PUDP: variants seen among roughly 807,000 people sequenced by gnomAD.
PUDP encodes the protein pseudouridine-5'-phosphatase.
In PUDP, 8 loss-of-function variants were observed where a neutral mutation model predicts 9.4. That is an observed-to-expected ratio of 0.85 (90% CI 0.50 to 1.53). PUDP has a LOEUF of 1.53. PUDP is among the 40% of genes most tolerant of loss of function. The pLI is 0.00. For synonymous variants in PUDP, 99 were observed against 80.7 expected (o/e 1.23, Z -1.22); for missense variants, 188 against 189.7 (o/e 0.99, Z 0.05).
chrX:7,101,268 C>CA (rs1931725561), intron 2 of PUDP, among the ~76,000 whole-genome samples: 1 of 107,735 alleles, frequency 9.3e-6, no homozygotes, highest in Non-Finnish European at 1.9e-5. Flanking sequence ...AATCATATGC[C>CA]AAAAAACATG....
At chrX:6,881,997 C>T (rs1398391137) in intron 3 of PUDP, among the ~76,000 whole-genome samples, 6 of 92,896 alleles carry the variant, frequency 6.5e-5, no homozygotes, top group South Asian at 5.7e-4. Flanking sequence ...TTTTTTGAGA[C>T]GGAGTCTTGC....
intron 3 of PUDP, among the ~76,000 whole-genome samples, chrX:6,903,958 T>A (rs186121584): frequency 0.067 from 7,001 of 103,792 alleles, 299 homozygotes; most frequent in East Asian, 0.27. Context: ...ATATATTTAT[T>A]TTTTTTTTTT....
chrX:6,915,506 G>A (rs1927915549), intron 3 of PUDP, among the ~76,000 whole-genome samples: 1 of 111,615 alleles, frequency 9.0e-6, no homozygotes, highest in African/African-American at 3.3e-5. Flanking sequence ...AGACTGAAAG[G>A]AAGGCAAAAA....
chrX:6,743,996 G>A (rs192552943), intron 3 of PUDP, among the ~76,000 whole-genome samples: 1 of 111,436 alleles, frequency 9.0e-6, no homozygotes, highest in African/African-American at 3.3e-5. Flanking sequence ...TCACCCAGTG[G>A]CATCTCTTAG....
At chrX:7,116,328 A>G (rs190573737) in intron 1 of PUDP, among the ~76,000 whole-genome samples, 120 of 111,527 alleles carry the variant, frequency 1.1e-3, no homozygotes, top group African/African-American at 3.6e-3. Context: ...GCCTGAGACA[A>G]TCAAGTCCCT....
chrX:7,079,585 A>G (rs902934267), intron 2 of PUDP, among the ~76,000 whole-genome samples: 2 of 112,752 alleles, frequency 1.8e-5, no homozygotes, highest in Non-Finnish European at 3.7e-5. Context: ...TATTCTCAAA[A>G]ATTATAAAAT....
At chrX:6,807,602 C>G (rs1014046412) in intron 3 of PUDP, among the ~76,000 whole-genome samples, 2 of 111,827 alleles carry the variant, frequency 1.8e-5, no homozygotes, top group African/African-American at 6.5e-5. Flanking sequence ...AGAGAAGGCA[C>G]GGTGTGCAAG....
intron 3 of PUDP, among the ~76,000 whole-genome samples, chrX:7,074,949 A>T (rs1280417653): frequency 8.9e-6 from 1 of 112,194 alleles, no homozygotes; most frequent in Non-Finnish European, 1.9e-5. Context: ...TTCAATAATG[A>T]GACTTAAATC....
intron 3 of PUDP, among the ~76,000 whole-genome samples, chrX:6,820,576 A>G (rs1926325134): frequency 9.0e-6 from 1 of 111,610 alleles, no homozygotes; most frequent in South Asian, 3.8e-4. Flanking sequence ...AATGGGAGAA[A>G]TTGGCCAAAG....
chrX:7,117,036 T>C, intron 1 of PUDP: 3 of 1,166,523 alleles, frequency 2.6e-6, no homozygotes, highest in Non-Finnish European at 3.4e-6. Flanking sequence ...CTGTATAACC[T>C]GCAGAAATGT....
intron 1 of PUDP, among the ~76,000 whole-genome samples, chrX:7,144,857 T>C (rs774083667): frequency 4.5e-5 from 5 of 112,218 alleles, no homozygotes; most frequent in African/African-American, 1.6e-4. Flanking sequence ...TTAAAAGGAT[T>C]TTAAATAATT....
chrX:6,757,159 C>T (rs1330139754), intron 3 of PUDP, among the ~76,000 whole-genome samples: 1 of 111,751 alleles, frequency 8.9e-6, no homozygotes, highest in Non-Finnish European at 1.9e-5. Context: ...GGCAGGATTG[C>T]TGGTGGCATT....
At chrX:7,081,614 T>C (rs899812726) in intron 2 of PUDP, among the ~76,000 whole-genome samples, 10 of 112,635 alleles carry the variant, frequency 8.9e-5, no homozygotes, top group African/African-American at 3.2e-4. Context: ...ACGACTGCTT[T>C]ACACCACCAC....
At chrX:6,821,480 C>T (rs1368402197) in intron 3 of PUDP, among the ~76,000 whole-genome samples, 1 of 111,122 alleles carries the variant, frequency 9.0e-6, no homozygotes, top group Non-Finnish European at 1.9e-5. Context: ...TTTGGGAAAA[C>T]AGGCAGAGCA....
At chrX:6,745,277 C>T (rs1223348342) in intron 3 of PUDP, among the ~76,000 whole-genome samples, 7 of 112,205 alleles carry the variant, frequency 6.2e-5, no homozygotes, top group African/African-American at 1.6e-4. Flanking sequence ...GAGACTTCCA[C>T]GAATAAACAA....
chrX:6,847,860 C>A (rs1926772180), intron 3 of PUDP, among the ~76,000 whole-genome samples: 1 of 111,559 alleles, frequency 9.0e-6, no homozygotes, highest in Admixed American at 9.6e-5. Flanking sequence ...CTAGCCTGGG[C>A]TTGTTCTCAT....
chrX:6,710,028 C>G (rs1395602498), intron 1 of PUDP, among the ~76,000 whole-genome samples: 19 of 111,844 alleles, frequency 1.7e-4, no homozygotes, highest in African/African-American at 5.5e-4. Flanking sequence ...AAGGTTGAAG[C>G]AGGACAATCA....
At chrX:6,785,117 C>T (rs962476212) in intron 3 of PUDP, among the ~76,000 whole-genome samples, 18 of 112,351 alleles carry the variant, frequency 1.6e-4, no homozygotes, top group Non-Finnish European at 2.8e-4. Flanking sequence ...CAGAGACGCA[C>T]GTGATCACAT....
intron 3 of PUDP, among the ~76,000 whole-genome samples, chrX:6,733,597 C>A (rs750134987): frequency 9.2e-6 from 1 of 109,135 alleles, no homozygotes; most frequent in South Asian, 4.0e-4. Flanking sequence ...GAGGCTTCTG[C>A]AGGAATCCAG....
Sources: allele counts gnomAD v4.1 joint callset (sites outside exome capture counted in the v4.1 genomes callset), GRCh38; gene constraint gnomAD v4.1.1; transcripts MANE v1.5; gene names NCBI Gene and HGNC (gene_info 2026-07-23, HGNC 2026-07-21).